Variants in PCNX1 observed in about 807,000 individuals in gnomAD.
PCNX1 encodes pecanex 1, also known as pecanex-like protein 1.
A neutral mutation model predicts 242.2 loss-of-function variants in PCNX1; 78 were observed. That is an observed-to-expected ratio of 0.32 (90% CI 0.27 to 0.39). The LOEUF (loss-of-function observed/expected upper bound fraction) is 0.39. Among genes scored for constraint, PCNX1 ranks in the 10% least tolerant of loss-of-function variants. The probability of loss-of-function intolerance (pLI) is 1.00; values close to 1 mark genes in which losing one functional copy is unlikely to be tolerated. For synonymous variants in PCNX1, 1,024 were observed against 1,032.9 expected, an observed-to-expected ratio of 0.99 and a Z score of 0.17; for missense variants, 2,581 against 2,856.5, an observed-to-expected ratio of 0.90 and a Z score of 2.20.
chr14:71,083,872 C>T (rs1481715204), intron 28 of PCNX1, among the ~76,000 whole-genome samples: 1 of 152,150 alleles, frequency 6.6e-6, no homozygotes, highest in Non-Finnish European at 1.5e-5. Context: ...ACTCATTCTC[C>T]ATCCAGTTTT....
chr14:70,917,394 C>CA (rs1302646998), intron 1 of PCNX1, among the ~76,000 whole-genome samples: 4 of 152,128 alleles, frequency 2.6e-5, no homozygotes, highest in African/African-American at 9.7e-5. Context: ...ACTTGATAGT[C>CA]AAAATTACTC....
chr14:71,039,510 C>T (rs1483396900), intron 19 of PCNX1, among the ~76,000 whole-genome samples: 4 of 152,322 alleles, frequency 2.6e-5, no homozygotes, highest in South Asian at 2.1e-4. Flanking sequence ...AAGCCCAAGA[C>T]AGGAGCTGTA....
chr14:71,050,262 G>A (rs991108102), intron 22 of PCNX1, among the ~76,000 whole-genome samples: 56 of 151,766 alleles, frequency 3.7e-4, no homozygotes, highest in Non-Finnish European at 5.2e-4. Flanking sequence ...ATGCTGGTGC[G>A]CTGCACCCAC....
chr14:71,038,124 G>C (rs2060598063), intron 19 of PCNX1, among the ~76,000 whole-genome samples: 7 of 59,102 alleles, frequency 1.2e-4, no homozygotes, highest in African/African-American at 4.7e-4. Flanking sequence ...AAAAACCCTA[G>C]AAGAAAACCT....
intron 22 of PCNX1, 50 bp downstream of exon 22, chr14:71,048,034 G>A (rs1488240981): frequency 7.4e-7 from 1 of 1,353,364 alleles, no homozygotes; most frequent in African/African-American, 1.4e-5. Context: ...CTATCTCCCT[G>A]GGTTATATGC....
In PCNX1 at chr14:70,966,847, AT is replaced by A. The variant is rs756316622; in HGVS notation, c.469-1350del. 9.2e-5 allele frequency among the ~76,000 whole-genome samples: 14 copies of A among 152,202 alleles called. No homozygotes were observed. In the East Asian group the frequency reaches 2.5e-3, roughly 27 times the overall value. On this transcript the variant is annotated intron_variant, in intron 3 of 35. Transcript: ENST00000304743. ...TTTAATTCTAGCAGAAAAATAGCAAATGTTAATTCTATAACTTATGTAGCAG... is the reference window on the plus strand; with the variant it reads ...TTTAATTCTAGCAGAAAAATAGCAAAGTTAATTCTATAACTTATGTAGCAG...
chr14:70,977,585 G>A lies in PCNX1; in HGVS notation c.1248G>A (p.Glu416=). The A allele has an allele frequency of 6.2e-7, 1 of 1,614,204 alleles. No homozygotes were observed. The highest frequency in any genetic ancestry group is 8.5e-7 in the Non-Finnish European group (1 of 1,180,044). Residue 416 remains glutamate, a synonymous_variant, in exon 6 of 36, where the codon GAG becomes GAA. Transcript: ENST00000304743. ...SSTHIESILS[E]HEESPKAGTK... ...CTCACATAGAGAGCATCCTGTCAGAGCATGAGGAGTCTCCTAAAGCAGGAA... is the reference window on the plus strand; with the variant it reads ...CTCACATAGAGAGCATCCTGTCAGAACATGAGGAGTCTCCTAAAGCAGGAA...
intron 7 of PCNX1, among the ~76,000 whole-genome samples, chr14:70,991,876 T>C (rs2059176012): frequency 6.6e-6 from 1 of 152,192 alleles, no homozygotes; most frequent in East Asian, 1.9e-4. Context: ...ACAAGTGCTA[T>C]ATAAATACTA....
intron 2 of PCNX1, among the ~76,000 whole-genome samples, chr14:70,950,393 T>A (rs17108755): frequency 0.12 from 17,784 of 152,144 alleles, 1,147 homozygotes; most frequent in Admixed American, 0.19. Context: ...ATTATGCCAA[T>A]GTATTTTATC....
intron 24 of PCNX1, among the ~76,000 whole-genome samples, chr14:71,052,768 A>C (rs914816479): frequency 2.6e-5 from 4 of 152,166 alleles, no homozygotes; most frequent in Admixed American, 1.3e-4. Context: ...TTTGTGCATG[A>C]AGTATTTTCT....
At chr14:71,007,056 C>T (rs1316498442) in intron 8 of PCNX1, among the ~76,000 whole-genome samples, 1 of 152,092 alleles carries the variant, frequency 6.6e-6, no homozygotes, top group Admixed American at 6.5e-5. Context: ...CATAGCCTCT[C>T]TTTTAGACAT....
At chr14:71,004,384 A>T (rs1025957128) in intron 8 of PCNX1, among the ~76,000 whole-genome samples, 6 of 152,236 alleles carry the variant, frequency 3.9e-5, no homozygotes, top group African/African-American at 1.4e-4. Context: ...GTGCGGAGCG[A>T]GCATTTCTGC....
intron 2 of PCNX1, among the ~76,000 whole-genome samples, chr14:70,951,733 A>T (rs1415165282): frequency 2.0e-5 from 3 of 151,992 alleles, no homozygotes; most frequent in African/African-American, 4.8e-5. Flanking sequence ...AGATATCTTC[A>T]TGTGTGCTTA....
chr14:71,084,331 G>A (rs958537748), intron 28 of PCNX1, among the ~76,000 whole-genome samples: 11 of 152,208 alleles, frequency 7.2e-5, no homozygotes, highest in Non-Finnish European at 1.2e-4. Context: ...CAGGGGTCAG[G>A]GACCCACTTG....
rs776659863 is a variant in PCNX1 at position 71,103,680 on chromosome 14, G to A, written c.6095+11G>A. 2 of 1,613,104 alleles carry A rather than the reference G, an allele frequency of 1.2e-6. No individual in the cohort carries two copies. Among genetic ancestry groups the A allele is most frequent in the South Asian group, 1.1e-5 (1 of 90,974 alleles). On this transcript the variant is annotated intron_variant, in intron 32 of 35. Coordinates refer to ENST00000304743, the MANE Select transcript of PCNX1 (RefSeq NM_014982.3). ...GTCAACCTGGCACAGGTGAGCCAAG[G>A]GATTGTATTATTCAGTGCTGGTGTA...
intron 28 of PCNX1, among the ~76,000 whole-genome samples, chr14:71,078,961 A>G (rs1272392518): frequency 6.6e-6 from 1 of 152,118 alleles, no homozygotes; most frequent in Non-Finnish European, 1.5e-5. Flanking sequence ...TCAACCTGTC[A>G]TCTACATTAG....
intron 16 of PCNX1, among the ~76,000 whole-genome samples, chr14:71,029,312 T>G (rs2060320105): frequency 1.3e-5 from 2 of 152,184 alleles, no homozygotes; most frequent in South Asian, 4.1e-4. Flanking sequence ...TTAAAAATTT[T>G]TGTAGACAGC....
At chr14:71,023,006 T>C (rs1446359674) in intron 12 of PCNX1, among the ~76,000 whole-genome samples, 194 bp from the exon 13 acceptor site, 1 of 152,082 alleles carries the variant, frequency 6.6e-6, no homozygotes, top group African/African-American at 2.4e-5. Flanking sequence ...AGGAAAGATT[T>C]GATATGTTTT....
intron 2 of PCNX1, among the ~76,000 whole-genome samples, chr14:70,952,071 TTTC>T (rs1261820899): frequency 2.0e-5 from 3 of 152,218 alleles, no homozygotes; most frequent in Non-Finnish European, 4.4e-5. Context: ...TTGAGTTGGC[TTTC>T]TTGTCAGAAT....
Sources: gnomAD v4.1 joint callset for allele counts (sites outside exome capture counted in the v4.1 genomes callset) on GRCh38, gnomAD v4.1.1 for gene constraint, MANE v1.5 for transcripts, NCBI Gene and HGNC (gene_info 2026-07-23, HGNC 2026-07-21) for gene names.